Variants in ADGRL3 observed in about 807,000 individuals in gnomAD.
The protein encoded by ADGRL3 is calcium-independent alpha-latrotoxin receptor 3.
In ADGRL3, 62 loss-of-function variants were observed where a neutral mutation model predicts 153.5. The observed-to-expected ratio is 0.40, with a 90% CI of 0.33 to 0.50. ADGRL3 has a LOEUF of 0.50. ADGRL3 is among the 20% of genes least tolerant of loss of function. The probability of loss-of-function intolerance (pLI) is 0.47; values close to 1 mark genes in which losing one functional copy is unlikely to be tolerated. For synonymous variants in ADGRL3, 710 were observed against 672.5 expected (o/e 1.06, Z -0.86); for missense variants, 1,641 against 1,859.4 (o/e 0.88, Z 2.16).
intron 4 of ADGRL3, among the ~76,000 whole-genome samples, chr4:61,544,982 A>G (rs956549438): frequency 6.6e-6 from 1 of 152,194 alleles, no homozygotes; most frequent in Non-Finnish European, 1.5e-5. Context: ...ATTCCTCTTT[A>G]AAAGTATAAT....
chr4:61,777,354 C>G (rs183765521), intron 8 of ADGRL3, among the ~76,000 whole-genome samples: 17 of 151,944 alleles, frequency 1.1e-4, no homozygotes, highest in Admixed American at 7.2e-4. Flanking sequence ...AAGAAAATTT[C>G]TCTAAAAAAA....
chr4:61,815,244 G>A (rs17090543), intron 9 of ADGRL3, among the ~76,000 whole-genome samples: 59,334 of 152,060 alleles, frequency 0.39, 12,435 homozygotes, highest in East Asian at 0.62. Context: ...GAGATGTAAC[G>A]AGGCAGATTG....
At chr4:61,949,398 A>T (rs146043324) in intron 17 of ADGRL3, among the ~76,000 whole-genome samples, 7 of 152,280 alleles carry the variant, frequency 4.6e-5, no homozygotes, top group African/African-American at 1.7e-4. Flanking sequence ...GGATAATTGC[A>T]TTTAAAATCT....
chr4:61,221,082 C>T (rs1246350186), intron 1 of ADGRL3, among the ~76,000 whole-genome samples: 1 of 152,092 alleles, frequency 6.6e-6, no homozygotes, highest in Non-Finnish European at 1.5e-5. Flanking sequence ...GTCACTATTG[C>T]AAAGAATTAC....
intron 17 of ADGRL3, among the ~76,000 whole-genome samples, chr4:61,973,856 G>A (rs1483280508): frequency 2.0e-5 from 3 of 152,024 alleles, no homozygotes; most frequent in Non-Finnish European, 4.4e-5. Flanking sequence ...TATTTTTCTT[G>A]TTTTATCATT....
chr4:61,632,762 A>G lies in ADGRL3; in HGVS notation c.474-44064A>G, dbSNP rs145943308. Among the ~76,000 whole-genome samples, 278 of 152,308 alleles carry G rather than the reference A, an allele frequency of 1.8e-3. 2 individuals are homozygous for G. The highest frequency in any genetic ancestry group is 6.3e-3 in the African/African-American group (264 of 41,576). On this transcript the variant is annotated intron_variant, in intron 5 of 26. Coordinates refer to ENST00000683033, the MANE Select transcript of ADGRL3 (RefSeq NM_001387552.1). ...TATAAATACATATTACCAGTATATT[A>G]TAATCACAAGCTGAGATAAATGACC...
Position 61,959,445 on chromosome 4 carries a change from AT to A in ADGRL3, c.2805+11177del, listed in dbSNP as rs555720214. Among the ~76,000 whole-genome samples, 8 of 151,994 alleles carry A rather than the reference AT, an allele frequency of 5.3e-5. No individual in the cohort carries two copies. In the South Asian group the frequency reaches 1.7e-3, roughly 32 times the overall value. On this transcript the variant is annotated intron_variant, in intron 17 of 26. Transcript: ENST00000683033. Reference sequence around the variant, plus strand: ...TCACTTTCTTTAGTTTGATGATTGTATTTTTTTTAAAGATTACTATTATCAC... The same window carrying A: ...TCACTTTCTTTAGTTTGATGATTGTATTTTTTTAAAGATTACTATTATCAC...
intron 3 of ADGRL3, among the ~76,000 whole-genome samples, chr4:61,504,088 G>T (rs889690946): frequency 6.6e-6 from 1 of 152,126 alleles, no homozygotes; most frequent in Non-Finnish European, 1.5e-5. Context: ...AACCTCCTGG[G>T]CTCAAGCAGT....
intron 11 of ADGRL3, among the ~76,000 whole-genome samples, chr4:61,902,063 A>G (rs1197275324): frequency 6.6e-6 from 1 of 152,228 alleles, no homozygotes; most frequent in African/African-American, 2.4e-5. Context: ...ATATGGAAAT[A>G]AGATCATTAT....
At chr4:61,236,985 C>T (rs1485329658) in intron 1 of ADGRL3, among the ~76,000 whole-genome samples, 7 of 152,000 alleles carry the variant, frequency 4.6e-5, no homozygotes, top group East Asian at 1.9e-4. Context: ...TATGAATTCA[C>T]GTATAATGTT....
intron 15 of ADGRL3, among the ~76,000 whole-genome samples, chr4:61,937,005 G>C (rs1373137870): frequency 2.0e-5 from 3 of 152,102 alleles, no homozygotes; most frequent in African/African-American, 7.2e-5. Context: ...GTAAATGTTA[G>C]AAATATTGTA....
chr4:61,388,156 G>C (rs189880450), intron 2 of ADGRL3, among the ~76,000 whole-genome samples: 223 of 152,186 alleles, frequency 1.5e-3, no homozygotes, highest in Non-Finnish European at 2.8e-3. Flanking sequence ...CTGAGATAAA[G>C]AGCTCAAATT....
At chr4:61,561,844 T>G (rs950879434) in intron 4 of ADGRL3, among the ~76,000 whole-genome samples, 2 of 152,042 alleles carry the variant, frequency 1.3e-5, no homozygotes, top group Non-Finnish European at 2.9e-5. Flanking sequence ...CTCACTATGT[T>G]GCCCAAGCTT....
At chr4:62,055,661 T>C (rs1736607511) in intron 25 of ADGRL3, among the ~76,000 whole-genome samples, 1 of 151,790 alleles carries the variant, frequency 6.6e-6, no homozygotes. Context: ...TCATGTAGAT[T>C]CTATTCGTTG....
chr4:62,044,154 C>A (rs1347208891), intron 24 of ADGRL3, among the ~76,000 whole-genome samples: 1 of 151,700 alleles, frequency 6.6e-6, no homozygotes, highest in Non-Finnish European at 1.5e-5. Context: ...AAGATATATA[C>A]CTCTGTATAT....
chr4:61,342,348 A>G (rs1364322393), intron 1 of ADGRL3, among the ~76,000 whole-genome samples: 1 of 152,176 alleles, frequency 6.6e-6, no homozygotes, highest in Non-Finnish European at 1.5e-5. Context: ...CATTGTGGGG[A>G]TAACTAATCA....
Position 61,695,787 on chromosome 4 carries a change from G to A in ADGRL3, c.583+18852G>A, listed in dbSNP as rs76120833. ...TTAGTGTAGTGTAGCGTAGTAATGT[G>A]CTGTTTTATTGACTTTCATCAGTTA... On this transcript the variant is annotated intron_variant, in intron 6 of 26. Coordinates refer to ENST00000683033, the MANE Select transcript of ADGRL3 (RefSeq NM_001387552.1). Among the ~76,000 whole-genome samples the A allele has an allele frequency of 5.7e-4, 87 of 152,194 alleles. No homozygotes were observed. In the East Asian group the frequency reaches 0.015, roughly 26 times the overall value.
At chr4:61,995,001 C>T (rs2099116883) in intron 19 of ADGRL3, among the ~76,000 whole-genome samples, 1 of 151,714 alleles carries the variant, frequency 6.6e-6, no homozygotes, top group South Asian at 2.1e-4. Context: ...AAGCCTCAAC[C>T]GCCTGGGTTT....
At chr4:61,572,131 A>G (rs2098841526) in intron 4 of ADGRL3, among the ~76,000 whole-genome samples, 2 of 152,098 alleles carry the variant, frequency 1.3e-5, no homozygotes, top group African/African-American at 4.8e-5. Flanking sequence ...CTTTTTATAA[A>G]TCCTTTTTCT....
Sources: gnomAD v4.1 joint callset for allele counts (sites outside exome capture counted in the v4.1 genomes callset) on GRCh38, gnomAD v4.1.1 for gene constraint, MANE v1.5 for transcripts, NCBI Gene and HGNC (gene_info 2026-07-23, HGNC 2026-07-21) for gene names.